The following PCDHGB2 variants were observed in gnomAD, a reference collection of about 807,000 sequenced individuals.
The protein encoded by PCDHGB2 is protocadherin gamma-B2.
Under a neutral mutation model 59.3 loss-of-function variants are expected in PCDHGB2, and 55 were observed. The ratio of observed to expected loss-of-function variants is 0.93; its 90% CI spans 0.75 to 1.16. The LOEUF is 1.16. Ranked by LOEUF, PCDHGB2 falls within the 50% of genes most tolerant of loss-of-function variation. The pLI is 0.00. For synonymous variants in PCDHGB2, 516 were observed against 512.0 expected (o/e 1.01, Z -0.11); for missense variants, 1,228 against 1,198.5 (o/e 1.02, Z -0.36).
rs928339926 is a variant in PCDHGB2 at position 141,362,462 on chromosome 5, C to T, written c.2327C>T (p.Pro776Leu). 3.7e-6 allele frequency: 6 copies of T among 1,614,032 alleles called. No individual in the cohort carries two copies. The highest frequency in any genetic ancestry group is 5.1e-6 in the Non-Finnish European group (6 of 1,179,896). ...CTGAACATAACCCCGGAATTGGTTC[C>T]CGCGCAAGATCTCGTCTGTGACAAT... ...NFLNITPELV[P>L]AQDLVCDNAS... is the part of the protein sequence containing the mutation. The change falls in exon 1 of 4, where the codon CCC becomes CTC. Residue 776 changes from proline to leucine, a missense_variant. Pro to Leu is a moderately conservative substitution (Grantham distance 98). This residue lies in a region of PCDHGB2 where 433 missense variants were observed against 441.8 expected (regional missense o/e 0.98). Coordinates refer to ENST00000522605, the MANE Select transcript of PCDHGB2 (RefSeq NM_018923.3).
intron 1 of PCDHGB2, chr5:141,413,729 GAGTTC>G: frequency 6.2e-7 from 1 of 1,613,496 alleles, no homozygotes; most frequent in Non-Finnish European, 8.5e-7. Flanking sequence ...TTCTCCCTAA[GAGTTC>G]AGAGCCGTGC....
At chr5:141,373,075 G>T (rs1337771380) in intron 1 of PCDHGB2, among the ~76,000 whole-genome samples, 1 of 152,076 alleles carries the variant, frequency 6.6e-6, no homozygotes, top group Non-Finnish European at 1.5e-5. Flanking sequence ...TTTTAATACA[G>T]TATTATCTCA....
intron 1 of PCDHGB2, chr5:141,423,613 GA>G (rs1164845631): frequency 1.9e-6 from 3 of 1,610,782 alleles, no homozygotes; most frequent in Admixed American, 1.7e-5. Context: ...CTTGATAGCT[GA>G]AGACTCAGCT....
chr5:141,474,325 C>A (rs540113771), intron 1 of PCDHGB2, among the ~76,000 whole-genome samples: 1 of 152,256 alleles, frequency 6.6e-6, no homozygotes, highest in Admixed American at 6.5e-5. Context: ...TTTCAAATCA[C>A]CCTGATGTTT....
intron 1 of PCDHGB2, chr5:141,370,952 G>A (rs771842532): frequency 6.2e-7 from 1 of 1,613,990 alleles, no homozygotes; most frequent in East Asian, 2.2e-5. Context: ...AGGAGAACCT[G>A]GATGGCAGTA....
At chr5:141,418,418 G>C (rs1366605966) in intron 1 of PCDHGB2, 1 of 1,613,998 alleles carries the variant, frequency 6.2e-7, no homozygotes, top group East Asian at 2.2e-5. Flanking sequence ...AGACAATCCT[G>C]ATGGTGGCAA....
At position 141,361,456 on chromosome 5, in the gene PCDHGB2, C is replaced by T. The variant is rs529112132; in HGVS notation, c.1321C>T (p.His441Tyr). ...PLSSSIIVTL[H>Y]ISDVNDNAPV... ...CTCCTCCAGCATAATTGTCACCCTG[C>T]ACATCTCCGACGTCAACGATAATGC... Residue 441 changes from histidine (H) to tyrosine (Y), a missense_variant, in exon 1 of 4, where the codon CAC (histidine) becomes TAC (tyrosine). Coordinates refer to ENST00000522605, the MANE Select transcript of PCDHGB2 (RefSeq NM_018923.3). 6.2e-7 allele frequency: 1 copy of T among 1,614,034 alleles called. No homozygotes were observed. Among genetic ancestry groups the T allele is most frequent in the South Asian group, 1.1e-5 (1 of 91,088 alleles).
Position 141,431,690 on chromosome 5 carries a change from G to A in PCDHGB2, c.2422-63117G>A. 1.2e-6 allele frequency: 2 copies of A among 1,614,234 alleles called. No individual in the cohort carries two copies. Among genetic ancestry groups the A allele is most frequent in the Non-Finnish European group, 8.5e-7 (1 of 1,180,040 alleles). On this transcript the variant is annotated intron_variant, in intron 1 of 3. Coordinates refer to ENST00000522605, the MANE Select transcript of PCDHGB2 (RefSeq NM_018923.3). The surrounding 1 kb of genome is among the most constrained non-coding windows in gnomAD (Gnocchi z 4.8). ...AACAATAGGGGAGTTGGACCACGAG[G>A]AGTCAGGATTCTACCAGATGGAAGT... is the stretch of plus-strand genomic sequence containing the variant.
At position 141,399,661 on chromosome 5, in the gene PCDHGB2, G is replaced by T. The variant is rs1021211609; in HGVS notation, c.2421+37105G>T. The T allele has an allele frequency of 6.8e-6, 11 of 1,613,526 alleles. No individual in the cohort carries two copies. Among genetic ancestry groups the T allele is most frequent in the Non-Finnish European group, 9.3e-6 (11 of 1,179,892 alleles). ...GAGCGCGCAAAGTGGGGTGGTGTTC[G>T]CGCAGCGCGCCTTTGACTACGAGCA... On this transcript the variant is annotated intron_variant, in intron 1 of 3. Transcript: ENST00000522605.
Position 141,432,483 on chromosome 5 carries a change from T to C in PCDHGB2, c.2422-62324T>C, listed in dbSNP as rs776090923. The C allele has an allele frequency of 6.2e-7, 1 of 1,614,136 alleles. No homozygotes were observed. The highest frequency in any genetic ancestry group is 1.1e-5 in the South Asian group (1 of 91,078). ...CTCCCCACGGACGGTTCCACTGGCG[T>C]GGAGCTGGCTCCCCGCTCCGCAGAG... On this transcript the variant is annotated intron_variant, in intron 1 of 3. Coordinates refer to ENST00000522605, the MANE Select transcript of PCDHGB2 (RefSeq NM_018923.3). The surrounding 1 kb of genome is among the most constrained non-coding windows in gnomAD (Gnocchi z 6.0).
chr5:141,423,503 C>T (rs1225012888), intron 1 of PCDHGB2: 2 of 1,613,984 alleles, frequency 1.2e-6, no homozygotes, highest in South Asian at 2.2e-5. Context: ...CACGAGGTCT[C>T]TCTCATTGCG....
chr5:141,366,049 G>T (rs542025009), intron 1 of PCDHGB2: 28 of 1,614,244 alleles, frequency 1.7e-5, no homozygotes, highest in African/African-American at 4.0e-5. Context: ...ACGGTTCCAC[G>T]GGCGTGGAGC....
chr5:141,418,348 T>G (rs2096249125), intron 1 of PCDHGB2: 1 of 1,613,982 alleles, frequency 6.2e-7, no homozygotes, highest in African/African-American at 1.3e-5. Flanking sequence ...CTGATATTAG[T>G]ATGAATTCGC....
At chr5:141,422,897 A>AT (rs778069795) in intron 1 of PCDHGB2, 4 of 1,614,212 alleles carry the variant, frequency 2.5e-6, no homozygotes, top group Non-Finnish European at 3.4e-6. Flanking sequence ...CTGGACCAGA[A>AT]CGACAATGCG....
chr5:141,480,887 A>T (rs2099527301), intron 1 of PCDHGB2, among the ~76,000 whole-genome samples: 1 of 152,146 alleles, frequency 6.6e-6, no homozygotes. Flanking sequence ...TCTACTAAAA[A>T]TGCAAACATT....
At chr5:141,364,036 G>A (rs868127549) in intron 1 of PCDHGB2, among the ~76,000 whole-genome samples, 16 of 152,152 alleles carry the variant, frequency 1.1e-4, no homozygotes, top group African/African-American at 2.9e-4. Context: ...TAAGGATATG[G>A]CAACATTATT....
intron 1 of PCDHGB2, chr5:141,433,123 C>G (rs575738328): frequency 3.7e-6 from 6 of 1,614,116 alleles, no homozygotes; most frequent in Non-Finnish European, 5.1e-6. Context: ...TTGAAAAAAG[C>G]GAGCCCCTTT....
intron 1 of PCDHGB2, chr5:141,403,017 T>C: frequency 6.2e-7 from 1 of 1,614,064 alleles, no homozygotes; most frequent in South Asian, 1.1e-5. Context: ...CTCCTGGGGA[T>C]GCTATGGGAG....
At position 141,390,587 on chromosome 5, in the gene PCDHGB2, A is replaced by G. The variant is rs1043489470; in HGVS notation, c.2421+28031A>G. The G allele has an allele frequency of 4.1e-5, 14 of 340,484 alleles. No homozygotes were observed. The Admixed American group carries it at 6.3e-4, about 15-fold the overall frequency. The allele number at this position is 340,484 out of a possible 1,614,324, so 21.1% of individuals were successfully genotyped here. A position where few individuals can be genotyped will look rare whatever the true frequency, so the allele number is the denominator to read the frequency against. Reference sequence around the variant, plus strand: ...TTGGCTCTCTCCTAAAAAGTGAATGAGATTTTTCCTATACATTTTCCTTCT... The same window carrying G: ...TTGGCTCTCTCCTAAAAAGTGAATGGGATTTTTCCTATACATTTTCCTTCT... On this transcript the variant is annotated intron_variant, in intron 1 of 3. Transcript: ENST00000522605.
Sources: gnomAD v4.1 joint callset for allele counts (sites outside exome capture counted in the v4.1 genomes callset) on GRCh38, gnomAD v4.1.1 for gene constraint, gnomAD v4.1.1 regional missense constraint, Gnocchi (gnomAD v3.1) non-coding constraint, MANE v1.5 for transcripts, NCBI Gene and HGNC (gene_info 2026-07-23, HGNC 2026-07-21) for gene names.